Variants in TRIO observed in about 807,000 individuals in gnomAD.
TRIO encodes triple functional domain protein.
Under a neutral mutation model 351.9 loss-of-function variants are expected in TRIO, and 58 were observed. The observed-to-expected ratio is 0.16, with a 90% CI of 0.13 to 0.21. The LOEUF (loss-of-function observed/expected upper bound fraction) is 0.21, where lower values mean the gene tolerates loss of function less well. TRIO is among the 10% of genes least tolerant of loss of function. TRIO has a pLI of 1.00. For synonymous variants in TRIO, 1,758 were observed against 1,595.7 expected, an observed-to-expected ratio of 1.10 and a Z score of -2.42; for missense variants, 3,201 against 4,027.8, an observed-to-expected ratio of 0.79 and a Z score of 5.56.
chr5:14,361,632 A>G (rs1442678739), intron 13 of TRIO, among the ~76,000 whole-genome samples: 8 of 152,120 alleles, frequency 5.3e-5, no homozygotes, highest in Non-Finnish European at 7.4e-5. Context: ...AATTTATTTT[A>G]AGTCCCTCAT....
At chr5:14,308,567 CA>C (rs1190450128) in intron 8 of TRIO, among the ~76,000 whole-genome samples, 1 of 152,006 alleles carries the variant, frequency 6.6e-6, no homozygotes, top group Non-Finnish European at 1.5e-5. Flanking sequence ...ACCACCCATT[CA>C]TCTGTCCATT....
chr5:14,192,754 A>G (rs879658951), intron 1 of TRIO, among the ~76,000 whole-genome samples: 25 of 152,360 alleles, frequency 1.6e-4, no homozygotes, highest in Admixed American at 5.2e-4. Flanking sequence ...CTATTGTATT[A>G]AAATTCTGTA....
At position 14,291,276 on chromosome 5, in the gene TRIO, C is replaced by G. The variant is rs751855291; in HGVS notation, c.1053+48C>G. The G allele has an allele frequency of 6.3e-6, 10 of 1,577,002 alleles. No homozygotes were observed. In the African/African-American group the frequency reaches 1.4e-4, roughly 21 times the overall value. Reference sequence around the variant, plus strand: ...CCTCAGTGGACATGGGGGAAGCCAGCGCTGGTGGGTTCGGGTGGAAGGAAA... The same window carrying G: ...CCTCAGTGGACATGGGGGAAGCCAGGGCTGGTGGGTTCGGGTGGAAGGAAA... On this transcript the variant is annotated intron_variant, in intron 5 of 56. Coordinates refer to ENST00000344204, the MANE Select transcript of TRIO (RefSeq NM_007118.4).
At chr5:14,193,179 T>A (rs1037426500) in intron 1 of TRIO, among the ~76,000 whole-genome samples, 4 of 152,250 alleles carry the variant, frequency 2.6e-5, no homozygotes, top group Non-Finnish European at 4.4e-5. Flanking sequence ...TATTAAAATA[T>A]GTGTAGTAGA....
At chr5:14,305,543 C>T (rs1466850135) in intron 8 of TRIO, among the ~76,000 whole-genome samples, 1 of 152,212 alleles carries the variant, frequency 6.6e-6, no homozygotes, top group African/African-American at 2.4e-5. Flanking sequence ...AGTTTCACAG[C>T]ACCTGGAAGA....
At chr5:14,241,431 G>C (rs548058784) in intron 1 of TRIO, among the ~76,000 whole-genome samples, 1 of 152,340 alleles carries the variant, frequency 6.6e-6, no homozygotes, top group Non-Finnish European at 1.5e-5. Context: ...AAGCAAGCTA[G>C]TGAATTAAGC....
At chr5:14,402,219 C>T (rs748262279) in intron 31 of TRIO, among the ~76,000 whole-genome samples, 19 of 152,230 alleles carry the variant, frequency 1.2e-4, no homozygotes, top group Middle Eastern at 3.4e-3. Context: ...TTATATAAAC[C>T]GCTTATCCAG....
intron 56 of TRIO, 131 bp from the exon 57 acceptor site, chr5:14,507,749 C>A: frequency 8.3e-7 from 1 of 1,198,432 alleles, no homozygotes; most frequent in Non-Finnish European, 1.1e-6. Flanking sequence ...GTCCGGCCTG[C>A]TTTGCACATG....
rs55751460 is a variant in TRIO at position 14,363,721 on chromosome 5, C to T, written c.2392-11C>T. ...ATTTTTTTTGTCTTGATCTTAAATA[C>T]CTTCTTTCAGATTATCTCAGACCTC... On this transcript the variant is annotated splice_polypyrimidine_tract_variant and intron_variant, in intron 13 of 56. Transcript: ENST00000344204. The T allele has an allele frequency of 0.044, 70,519 of 1,609,498 alleles. 2,185 individuals carry two copies. Among genetic ancestry groups the T allele is most frequent in the Admixed American group, 0.16 (9,461 of 59,652 alleles).
Position 14,487,777 on chromosome 5 carries a change from C to G in TRIO, c.7149C>G (p.Pro2383=). 2 of 1,370,556 alleles carry G rather than the reference C, an allele frequency of 1.5e-6. No homozygotes were observed. The highest frequency in any genetic ancestry group is 1.9e-6 in the Non-Finnish European group (2 of 1,060,040). 84.9% of individuals were successfully genotyped at this position (1,370,556 alleles called of 1,614,324 possible). Residue 2383 remains proline (P), a synonymous_variant, in exon 48 of 57, where the codon CCC becomes CCG. Coordinates refer to ENST00000344204, the MANE Select transcript of TRIO (RefSeq NM_007118.4). The part of the protein sequence containing the change: ...GPSLPPPGAA[P]EAGPSAPSRR... ...CCCTGCCTCCCCCTGGCGCGGCCCCCGAGGCCGGCCCCAGCGCGCCCAGCA... is the reference window on the plus strand; with the variant it reads ...CCCTGCCTCCCCCTGGCGCGGCCCCGGAGGCCGGCCCCAGCGCGCCCAGCA...
rs2434604 is a variant in TRIO, at chr5:14,269,245, C to T, written c.158-1580C>T. Among the ~76,000 whole-genome samples, 934 of 152,290 alleles carry T rather than the reference C, an allele frequency of 6.1e-3. 13 individuals carry two copies. The highest frequency in any genetic ancestry group is 0.021 in the African/African-American group (892 of 41,566). ...CTCATTAAACTGGGTTCATTATACA[C>T]GTGGACGTATTCTATGGACAGGAGC... is the stretch of plus-strand genomic sequence containing the variant. On this transcript the variant is annotated intron_variant, in intron 1 of 56. Transcript: ENST00000344204.
intron 49 of TRIO, among the ~76,000 whole-genome samples, chr5:14,494,520 GTGT>G (rs1434304745): frequency 6.6e-6 from 1 of 152,238 alleles, no homozygotes; most frequent in African/African-American, 2.4e-5. Context: ...AAGGAGATTC[GTGT>G]TGTTTTCTTG....
At chr5:14,293,223 A>G (rs1737058026) in intron 6 of TRIO, 89 bp downstream of exon 6, 5 of 1,572,956 alleles carry the variant, frequency 3.2e-6, no homozygotes, top group African/African-American at 2.7e-5. Context: ...AGGGCTTTCA[A>G]GGGGCCTTCG....
intron 36 of TRIO, among the ~76,000 whole-genome samples, chr5:14,465,036 C>T (rs1367567569): frequency 6.6e-6 from 1 of 152,166 alleles, no homozygotes; most frequent in Non-Finnish European, 1.5e-5. Flanking sequence ...TGTCTGGTCA[C>T]CGCACCCCGT....
rs538206643 is a variant in TRIO, at chr5:14,311,757, A to C, written c.1501-4756A>C. ...TGTGGAGGTCTGTGCTTTGCAGGCC[A>C]TGGCGAGCTAAGCCTGAAAAAGAAT... is the stretch of plus-strand genomic sequence containing the variant. On this transcript the variant is annotated intron_variant, in intron 8 of 56. Transcript: ENST00000344204. Among the ~76,000 whole-genome samples, 6 of 152,338 alleles carry C rather than the reference A, an allele frequency of 3.9e-5. No homozygotes were observed. In the South Asian group the frequency reaches 1.2e-3, roughly 32 times the overall value.
At chr5:14,268,390 A>G (rs1462348205) in intron 1 of TRIO, among the ~76,000 whole-genome samples, 2 of 152,236 alleles carry the variant, frequency 1.3e-5, no homozygotes, top group Non-Finnish European at 2.9e-5. Context: ...CTCAGGTCAC[A>G]CAGCTCTCTA....
intron 34 of TRIO, among the ~76,000 whole-genome samples, chr5:14,454,793 C>A (rs746928562): frequency 6.6e-6 from 1 of 152,206 alleles, no homozygotes; most frequent in African/African-American, 2.4e-5. Context: ...TCACTGACTT[C>A]AAGAATGAAG....
intron 1 of TRIO, among the ~76,000 whole-genome samples, chr5:14,268,932 T>A (rs1239479871): frequency 6.6e-6 from 1 of 152,212 alleles, no homozygotes; most frequent in African/African-American, 2.4e-5. Context: ...CTGACTAGAT[T>A]GCATCCATTC....
At chr5:14,199,827 T>C (rs1044637342) in intron 1 of TRIO, among the ~76,000 whole-genome samples, 13 of 152,220 alleles carry the variant, frequency 8.5e-5, no homozygotes, top group Non-Finnish European at 1.8e-4. Context: ...GACCATGGTT[T>C]CTTCAGTTGG....
Sources: gnomAD v4.1 joint callset for allele counts (sites outside exome capture counted in the v4.1 genomes callset) on GRCh38, gnomAD v4.1.1 for gene constraint, MANE v1.5 for transcripts, NCBI Gene and HGNC (gene_info 2026-07-23, HGNC 2026-07-21) for gene names.